Variants in PON2 observed in about 807,000 individuals in gnomAD.
The protein encoded by PON2 is serum paraoxonase/arylesterase 2.
A neutral mutation model predicts 36.6 loss-of-function variants in PON2; 27 were observed. The observed-to-expected ratio is 0.74, with a 90% CI of 0.54 to 1.02. PON2 has a LOEUF of 1.02. Ranked by LOEUF, PON2 falls within the 50% of genes least tolerant of loss-of-function variation. The pLI is 0.00. For missense variants in PON2, 363 were observed against 421.1 expected (o/e 0.86, Z 1.21); for synonymous variants, 149 against 156.3 (o/e 0.95, Z 0.35).
chr7:95,429,920 A>G (rs1562793609), intron 1 of PON2, among the ~76,000 whole-genome samples: 1 of 152,134 alleles, frequency 6.6e-6, no homozygotes, highest in African/African-American at 2.4e-5. Flanking sequence ...AAGCTAGAAG[A>G]CTGTGGGGAG....
At chr7:95,407,128 G>T in intron 6 of PON2, 60 bp from the exon 7 acceptor site, 1 of 1,110,566 alleles carries the variant, frequency 9.0e-7, no homozygotes, top group Non-Finnish European at 1.4e-6. Flanking sequence ...CATTAATACA[G>T]TGTGAAAGAA....
At chr7:95,411,359 C>T (rs1475841734) in intron 5 of PON2, among the ~76,000 whole-genome samples, 2 of 152,160 alleles carry the variant, frequency 1.3e-5, no homozygotes, top group African/African-American at 4.8e-5. Context: ...CTTCTACCCT[C>T]AAGATGGGCC....
In PON2 at chr7:95,424,606, C is replaced by CA. The variant is rs758229221; in HGVS notation, c.75-22dup. On this transcript the variant is annotated intron_variant, in intron 1 of 8. Transcript: ENST00000222572. ...GATTTCTGTTACAAAGAAAAAAAAA[C>CA]AAAAAACAAAAAACTATTTGTTTAT... 21 of 1,570,904 alleles carry CA rather than the reference C, an allele frequency of 1.3e-5. No individual in the cohort carries two copies. In the East Asian group the frequency reaches 3.4e-4, roughly 25 times the overall value.
rs1418027982 is a variant in PON2, at chr7:95,406,215, T to C, written c.810A>G (p.Leu270=). 1.6e-5 allele frequency: 25 copies of C among 1,611,852 alleles called. No individual in the cohort carries two copies. Among genetic ancestry groups the C allele is most frequent in the Non-Finnish European group, 2.1e-5 (25 of 1,178,086 alleles). Reference sequence around the variant, plus strand: ...TGTCCCCCGAGGAAGGATCAATAGATAAATTATCCACCAGTGTATCCAGCT... The same window carrying C: ...TGTCCCCCGAGGAAGGATCAATAGACAAATTATCCACCAGTGTATCCAGCT... The part of the protein sequence containing the change: ...VLELDTLVDN[L]SIDPSSGDIW... The change falls in exon 8 of 9, where the codon TTA becomes TTG. Residue 270 remains leucine (L), a synonymous_variant. Coordinates refer to ENST00000222572, the MANE Select transcript of PON2 (RefSeq NM_000305.3).
intron 2 of PON2, among the ~76,000 whole-genome samples, chr7:95,417,620 ATAAGT>A (rs3216252): frequency 0.19 from 28,719 of 150,998 alleles, 3,782 homozygotes; most frequent in East Asian, 0.62. Context: ...TCCACTGGTA[ATAAGT>A]TAAGAATCAG....
chr7:95,429,691 T>G (rs1789394296), intron 1 of PON2, among the ~76,000 whole-genome samples: 1 of 152,212 alleles, frequency 6.6e-6, no homozygotes, highest in South Asian at 2.1e-4. Flanking sequence ...CAGGAGTTTC[T>G]TTGTGCCATA....
At chr7:95,411,803 T>G (rs376137985) in intron 4 of PON2, 24 bp from the exon 5 acceptor site, 19 of 1,611,926 alleles carry the variant, frequency 1.2e-5, no homozygotes, top group Non-Finnish European at 1.5e-5. Flanking sequence ...AGAACAGAGT[T>G]AATTTACAAG....
At chr7:95,422,825 C>T (rs1789225934) in intron 2 of PON2, among the ~76,000 whole-genome samples, 1 of 152,162 alleles carries the variant, frequency 6.6e-6, no homozygotes, top group Non-Finnish European at 1.5e-5. Context: ...CACACTGTGG[C>T]TCTCAGAGTA....
chr7:95,416,255 G>T lies in PON2; in HGVS notation c.188C>A (p.Ala63Asp). ...EDIDILPNGL[A>D]FFSVGLKFPG... is the part of the protein sequence containing the mutation. ...GAAGACACTCACCACACTAAAAAAA[G>T]CCAGACCATTGGGAAGTATGTCAAT... Residue 63 changes from alanine to aspartate, a missense_variant, in exon 3 of 9, where the codon GCT (alanine) becomes GAT (aspartate). Transcript: ENST00000222572. The T allele has an allele frequency of 1.2e-6, 2 of 1,612,956 alleles. No individual in the cohort carries two copies. The highest frequency in any genetic ancestry group is 2.2e-5 in the South Asian group (2 of 91,058).
chr7:95,434,589 T>G (rs1789518315), intron 1 of PON2, among the ~76,000 whole-genome samples: 1 of 152,266 alleles, frequency 6.6e-6, no homozygotes. Context: ...CAAAGCATTC[T>G]CTTGTCAGCC....
At chr7:95,411,512 T>C in intron 5 of PON2, 141 bp downstream of exon 5, 1 of 1,066,092 alleles carries the variant, frequency 9.4e-7, no homozygotes. Flanking sequence ...CATTTATAAA[T>C]AAGGAAATAT....
chr7:95,423,968 A>G (rs750189554), intron 2 of PON2, among the ~76,000 whole-genome samples: 5 of 152,186 alleles, frequency 3.3e-5, no homozygotes, highest in African/African-American at 7.2e-5. Context: ...ACAGCAGCAC[A>G]GGGTAACCAC....
At chr7:95,424,863 T>C (rs1789279629) in intron 1 of PON2, among the ~76,000 whole-genome samples, 2 of 152,108 alleles carry the variant, frequency 1.3e-5, no homozygotes, top group Non-Finnish European at 2.9e-5. Context: ...TAATGCAAGT[T>C]CCTATGCAAA....
intron 2 of PON2, chr7:95,418,505 T>C (rs541675197): frequency 5.3e-5 from 8 of 152,338 alleles, no homozygotes; most frequent in Admixed American, 1.3e-4. Context: ...GTAAATTCAA[T>C]TGTGGTCAAT....
chr7:95,424,656 G>C (rs2116496605), intron 1 of PON2, 71 bp from the exon 2 acceptor site: 1 of 1,263,778 alleles, frequency 7.9e-7, no homozygotes, highest in East Asian at 2.4e-5. Context: ...GTTTTAGAAA[G>C]GGTTTAAAGA....
intron 2 of PON2, 35 bp downstream of exon 2, chr7:95,424,480 T>G (rs375702957): frequency 6.4e-7 from 1 of 1,567,234 alleles, no homozygotes; most frequent in African/African-American, 1.4e-5. Flanking sequence ...GGCCAAAAAA[T>G]GCAATGTGCC....
rs527647160 is a variant in PON2 at position 95,424,205 on chromosome 7, A to C, written c.145+310T>G. ...TGACCACAAGGCTCACAGAACACAG[A>C]CTGCAGCGGCCATACCTGACAAACA... On this transcript the variant is annotated intron_variant, in intron 2 of 8. Transcript: ENST00000222572. 5.7e-5 allele frequency: 22 copies of C among 386,810 alleles called. No individual in the cohort carries two copies. In the East Asian group the frequency reaches 1.1e-3, roughly 19 times the overall value. The allele number at this position is 386,810 out of a possible 1,614,324, so 24.0% of individuals were successfully genotyped here.
At position 95,426,727 on chromosome 7, in the gene PON2, G is replaced by T. The variant is rs185890529; in HGVS notation, c.75-2142C>A. Among the ~76,000 whole-genome samples, 483 of 152,298 alleles carry T rather than the reference G, an allele frequency of 3.2e-3. 2 individuals carry two copies. The highest frequency in any genetic ancestry group is 4.7e-3 in the Admixed American group (72 of 15,300). ...CTCCAAGATTCTACAAATGTTATAT[G>T]ACTCCAGAAACAGATGTAGATACAA... On this transcript the variant is annotated intron_variant, in intron 1 of 8. Coordinates refer to ENST00000222572, the MANE Select transcript of PON2 (RefSeq NM_000305.3).
intron 1 of PON2, among the ~76,000 whole-genome samples, chr7:95,424,808 G>A (rs1585761467): frequency 7.5e-6 from 1 of 133,622 alleles, no homozygotes; most frequent in African/African-American, 2.6e-5. Flanking sequence ...ATACTGATGT[G>A]GGTTATTAAA....
Sources: allele counts gnomAD v4.1 joint callset (sites outside exome capture counted in the v4.1 genomes callset), GRCh38; gene constraint gnomAD v4.1.1; transcripts MANE v1.5; gene names NCBI Gene and HGNC (gene_info 2026-07-23, HGNC 2026-07-21).